Variants in GSTCD observed in about 807,000 individuals in gnomAD.
The protein encoded by GSTCD is glutathione S-transferase C-terminal domain-containing protein.
Under a neutral mutation model 68.3 loss-of-function variants are expected in GSTCD, and 44 were observed. The observed-to-expected ratio is 0.64, with a 90% confidence interval of 0.51 to 0.83. The LOEUF (loss-of-function observed/expected upper bound fraction) is 0.83. Among genes scored for constraint, GSTCD ranks in the 40% least tolerant of loss-of-function variants. GSTCD has a pLI of 0.00. For missense variants in GSTCD, 739 were observed against 735.9 expected (o/e 1.00, Z -0.05); for synonymous variants, 273 against 255.2 (o/e 1.07, Z -0.67).
chr4:105,781,439 G>A (rs1296618168), intron 5 of GSTCD, among the ~76,000 whole-genome samples: 1 of 150,060 alleles, frequency 6.7e-6, no homozygotes, highest in Non-Finnish European at 1.5e-5. Flanking sequence ...AGTTTTTGTA[G>A]AGATGGAGCC....
intron 5 of GSTCD, among the ~76,000 whole-genome samples, chr4:105,739,695 C>T (rs1039923565): frequency 1.3e-5 from 2 of 152,170 alleles, no homozygotes; most frequent in African/African-American, 4.8e-5. Context: ...GTCAAAGCCC[C>T]ATTTACCTGG....
Position 105,842,170 on chromosome 4 carries a change from A to G in GSTCD, c.1765+36A>G, listed in dbSNP as rs747720363. The G allele has an allele frequency of 1.6e-5, 24 of 1,514,648 alleles. 3 individuals are homozygous for G. The South Asian group carries it at 2.6e-4, about 16-fold the overall frequency. 93.8% of individuals were successfully genotyped at this position (1,514,648 alleles called of 1,614,324 possible). A position where few individuals can be genotyped will look rare whatever the true frequency, so the allele number is the denominator to read the frequency against. Reference sequence around the variant, plus strand: ...TCACAGAGCAGCTGTTGAGTGTATTATGCACAATATGACTGGGAATGATTG... The same window carrying G: ...TCACAGAGCAGCTGTTGAGTGTATTGTGCACAATATGACTGGGAATGATTG... On this transcript the variant is annotated intron_variant, in intron 11 of 11. Coordinates refer to ENST00000515279, the MANE Select transcript of GSTCD (RefSeq NM_001370181.1).
In GSTCD at chr4:105,719,290, C is replaced by G; in HGVS notation, c.657C>G (p.Ser219Arg). Residue 219 changes from serine (S) to arginine (R), a missense_variant, in exon 3 of 12, where the codon AGC becomes AGG. By Grantham distance (110) the Ser-to-Arg change is moderately radical (BLOSUM62 -1). Transcript: ENST00000515279. ...GPPLTKGKAK[S>R]KVHTQETSEG... ...CCCTTACTAAGGGAAAGGCAAAGAG[C>G]AAGGTCCACACACAGGAAACATCTG... 1 of 1,614,082 alleles carries G rather than the reference C, an allele frequency of 6.2e-7. No homozygotes were observed. The highest frequency in any genetic ancestry group is 8.5e-7 in the Non-Finnish European group (1 of 1,180,000).
intron 8 of GSTCD, among the ~76,000 whole-genome samples, chr4:105,831,521 AT>A (rs1489659436): frequency 9.8e-5 from 15 of 152,324 alleles, no homozygotes; most frequent in Non-Finnish European, 2.9e-5. Context: ...GTTAAAAAAA[AT>A]ATTAACAATT....
chr4:105,726,447 A>T lies in GSTCD; in HGVS notation c.895-132A>T, dbSNP rs546763979. ...CTAAAACTAGATGGTTGATAACTGG[A>T]TACATTTACTACAACTCATTGTTTG... On this transcript the variant is annotated intron_variant, in intron 3 of 11. Coordinates refer to ENST00000515279, the MANE Select transcript of GSTCD (RefSeq NM_001370181.1). 47 of 612,432 alleles carry T rather than the reference A, an allele frequency of 7.7e-5. No individual in the cohort carries two copies. In the African/African-American group the frequency reaches 7.7e-4, roughly 10 times the overall value. 37.9% of individuals were successfully genotyped at this position (612,432 alleles called of 1,614,324 possible). A position where few individuals can be genotyped will look rare whatever the true frequency, so the allele number is the denominator to read the frequency against.
chr4:105,745,202 T>C (rs11097896), intron 5 of GSTCD, among the ~76,000 whole-genome samples: 142,224 of 152,268 alleles, frequency 0.93, 66,432 homozygotes, highest in East Asian at 0.97. Context: ...ATACCCACAT[T>C]TGTGTGAAAA....
intron 5 of GSTCD, among the ~76,000 whole-genome samples, chr4:105,770,478 C>T (rs572679210): frequency 1.3e-5 from 2 of 152,010 alleles, no homozygotes; most frequent in African/African-American, 2.4e-5. Context: ...ACCCATCAAT[C>T]CGTCACCTAC....
At chr4:105,794,776 CT>C (rs1735806521) in intron 5 of GSTCD, among the ~76,000 whole-genome samples, 1 of 151,344 alleles carries the variant, frequency 6.6e-6, no homozygotes, top group African/African-American at 2.4e-5. Flanking sequence ...CTGGATTTTT[CT>C]TTTTATTTCT....
chr4:105,845,754 A>G lies in GSTCD; in HGVS notation c.*177A>G. 3.3e-6 allele frequency: 2 copies of G among 601,918 alleles called. No homozygotes were observed. Among genetic ancestry groups the G allele is most frequent in the East Asian group, 2.8e-5 (1 of 35,680 alleles). The allele number at this position is 601,918 out of a possible 1,614,324, so 37.3% of individuals were successfully genotyped here. The stretch of plus-strand genomic sequence containing the variant: ...AAAGGCTCCCTGCAAAGCATCACAA[A>G]TGCTTTACAATGTGTGATTAAAGGA... On this transcript the variant is annotated 3_prime_UTR_variant, in exon 12 of 12. Coordinates refer to ENST00000515279, the MANE Select transcript of GSTCD (RefSeq NM_001370181.1).
intron 2 of GSTCD, among the ~76,000 whole-genome samples, chr4:105,718,382 G>A (rs1344913956): frequency 2.0e-5 from 3 of 152,030 alleles, no homozygotes; most frequent in African/African-American, 7.2e-5. Flanking sequence ...AAAAGCGCCT[G>A]GTACCTCTTC....
intron 5 of GSTCD, among the ~76,000 whole-genome samples, chr4:105,742,507 T>G (rs1476059774): frequency 2.6e-5 from 4 of 152,166 alleles, no homozygotes; most frequent in African/African-American, 9.7e-5. Context: ...CTCCGTGCCT[T>G]GGTTGCATCA....
At position 105,737,129 on chromosome 4, in the gene GSTCD, A is replaced by G. The variant is rs1456423973; in HGVS notation, c.1240+7630A>G. Among the ~76,000 whole-genome samples the G allele has an allele frequency of 5.3e-5, 8 of 152,174 alleles. No homozygotes were observed. In the South Asian group the frequency reaches 1.7e-3, roughly 32 times the overall value. ...TCCAGCAAGGGAATTGCTAGATCCTATAGTAGTTCTAATTTCATTTTTGAG... is the reference window on the plus strand; with the variant it reads ...TCCAGCAAGGGAATTGCTAGATCCTGTAGTAGTTCTAATTTCATTTTTGAG... On this transcript the variant is annotated intron_variant, in intron 5 of 11. Coordinates refer to ENST00000515279, the MANE Select transcript of GSTCD (RefSeq NM_001370181.1).
At chr4:105,778,883 A>T (rs1735172197) in intron 5 of GSTCD, among the ~76,000 whole-genome samples, 1 of 151,884 alleles carries the variant, frequency 6.6e-6, no homozygotes, top group Admixed American at 6.6e-5. Flanking sequence ...TCTTTACTTT[A>T]TTTCTCTCCT....
intron 5 of GSTCD, among the ~76,000 whole-genome samples, chr4:105,781,052 A>G (rs1735254984): frequency 6.6e-6 from 1 of 152,210 alleles, no homozygotes; most frequent in South Asian, 2.1e-4. Context: ...TTGGAGAATC[A>G]TAATATTTAC....
chr4:105,753,068 C>T (rs145318904), intron 5 of GSTCD, among the ~76,000 whole-genome samples: 38 of 152,120 alleles, frequency 2.5e-4, no homozygotes, highest in African/African-American at 9.1e-4. Context: ...AAGACTTTTC[C>T]TAAGCACTTT....
intron 5 of GSTCD, among the ~76,000 whole-genome samples, chr4:105,739,863 A>G (rs1733578068): frequency 6.6e-6 from 1 of 152,050 alleles, no homozygotes; most frequent in Non-Finnish European, 1.5e-5. Flanking sequence ...TGACTGAGGG[A>G]TGGAACGGTT....
chr4:105,834,729 AT>A, intron 9 of GSTCD, 135 bp downstream of exon 9: 1 of 717,936 alleles, frequency 1.4e-6, no homozygotes, highest in South Asian at 2.2e-5. Flanking sequence ...TTGTTTGTAA[AT>A]TGTATAAGGA....
At chr4:105,810,227 C>T (rs1312768599) in intron 5 of GSTCD, among the ~76,000 whole-genome samples, 1 of 152,092 alleles carries the variant, frequency 6.6e-6, no homozygotes, top group African/African-American at 2.4e-5. Flanking sequence ...AACTCACCAA[C>T]ATCGCCCTGG....
rs113987854 is a variant in GSTCD at position 105,749,893 on chromosome 4, T to G, written c.1240+20394T>G. On this transcript the variant is annotated intron_variant, in intron 5 of 11. Transcript: ENST00000515279. ...TGACCAAACAAGCTATAGACTGAAA[T>G]AAAATATTTGCAAACCACAAATATT... Among the ~76,000 whole-genome samples the G allele has an allele frequency of 2.0e-3, 298 of 152,164 alleles. 1 individual carries two copies. The highest frequency in any genetic ancestry group is 0.017 in the Middle Eastern group (5 of 294).
Sources: gnomAD v4.1 joint callset for allele counts (sites outside exome capture counted in the v4.1 genomes callset) on GRCh38, gnomAD v4.1.1 for gene constraint, MANE v1.5 for transcripts, NCBI Gene and HGNC (gene_info 2026-07-23, HGNC 2026-07-21) for gene names.